NUS1: variants seen among roughly 807,000 people sequenced by gnomAD.
NUS1 encodes the protein dehydrodolichyl diphosphate synthase complex subunit NUS1.
For synonymous variants in NUS1, 135 were observed against 155.2 expected (o/e 0.87, Z 0.97); for missense variants, 292 against 382.9 (o/e 0.76, Z 1.98).
In NUS1 at chr6:117,709,194, GT is replaced by G. The variant is rs1773542771; in HGVS notation, c.*2181del. 6.6e-6 allele frequency: 1 copy of G among 152,238 alleles called. No individual in the cohort carries two copies. Among genetic ancestry groups the G allele is most frequent in the East Asian group, 1.9e-4 (1 of 5,190 alleles). The allele number at this position is 152,238 out of a possible 1,614,324, so 9.4% of individuals were successfully genotyped here. A position where few individuals can be genotyped will look rare whatever the true frequency, so the allele number is the denominator to read the frequency against. ...GTAATTCCTGCCAAAAGCATCACAA[GT>G]TGTACATCATCAAGGCTCCCTTTGC... On this transcript the variant is annotated 3_prime_UTR_variant, in exon 5 of 5. Transcript: ENST00000368494.
At chr6:117,693,554 T>C (rs1773272745) in intron 2 of NUS1, among the ~76,000 whole-genome samples, 1 of 152,182 alleles carries the variant, frequency 6.6e-6, no homozygotes, top group Non-Finnish European at 1.5e-5. Flanking sequence ...TATCTGAGAA[T>C]CCCATCAATT....
rs774167852 is a variant in NUS1 at position 117,683,630 on chromosome 6, T to C, written c.415+7545T>C. 1.4e-4 allele frequency among the ~76,000 whole-genome samples: 21 copies of C among 151,754 alleles called. 1 individual carries two copies. The highest frequency in any genetic ancestry group is 2.2e-4 in the Non-Finnish European group (15 of 67,952). ...TGCTTAATAATGAGGAGAGATTGTT[T>C]CAATGCTTATCTCATTTTTTTCTCT... On this transcript the variant is annotated intron_variant, in intron 1 of 4. Transcript: ENST00000368494.
chr6:117,686,594 T>A (rs915238857), intron 1 of NUS1, among the ~76,000 whole-genome samples: 1 of 152,192 alleles, frequency 6.6e-6, no homozygotes, highest in Admixed American at 6.5e-5. Context: ...TTCTTAAAAA[T>A]TTGAGTATTT....
intron 3 of NUS1, among the ~76,000 whole-genome samples, chr6:117,697,626 G>A (rs1040428161): frequency 6.6e-6 from 1 of 151,864 alleles, no homozygotes; most frequent in Non-Finnish European, 1.5e-5. Context: ...AAATACATAT[G>A]CACCCAACAT....
Position 117,703,608 on chromosome 6 carries a change from C to T in NUS1, c.695C>T (p.Ser232Leu). The change falls in exon 4 of 5, where the codon TCA (serine) becomes TTA (leucine). Residue 232 changes from serine (S) to leucine (L), a missense_variant. Ser to Leu is a moderately radical substitution (Grantham distance 145, BLOSUM62 -2). Transcript: ENST00000368494. ...DVDTLASLLSSNGCPDPDLVL... is the reference protein window; with the variant it reads ...DVDTLASLLSLNGCPDPDLVL... ...TGTGTATTTATTTATTTCCAAGGTT[C>T]AAATGGTTGTCCTGATCCTGATTTA... 2 of 1,610,820 alleles carry T rather than the reference C, an allele frequency of 1.2e-6. No homozygotes were observed. Among genetic ancestry groups the T allele is most frequent in the Non-Finnish European group, 1.7e-6 (2 of 1,177,106 alleles).
intron 1 of NUS1, among the ~76,000 whole-genome samples, chr6:117,680,753 A>G (rs2114678165): frequency 6.6e-6 from 1 of 152,364 alleles, no homozygotes; most frequent in South Asian, 2.1e-4. Context: ...AATTTGGGGT[A>G]AGCCTTAGGA....
intron 3 of NUS1, 127 bp from the exon 4 acceptor site, chr6:117,703,478 G>C (rs902092567): frequency 1.1e-5 from 8 of 701,218 alleles, no homozygotes; most frequent in African/African-American, 8.8e-5. Flanking sequence ...TAAAACTTCT[G>C]AAGAAAACAG....
At chr6:117,676,584 A>T (rs1772985472) in intron 1 of NUS1, among the ~76,000 whole-genome samples, 1 of 152,222 alleles carries the variant, frequency 6.6e-6, no homozygotes, top group Admixed American at 6.5e-5. Flanking sequence ...GTCTCAAATA[A>T]GTAAATAAAT....
At chr6:117,698,855 G>A (rs1773357925) in intron 3 of NUS1, among the ~76,000 whole-genome samples, 1 of 152,028 alleles carries the variant, frequency 6.6e-6, no homozygotes, top group Non-Finnish European at 1.5e-5. Context: ...AAGGATGGTT[G>A]AACATACACA....
chr6:117,687,804 T>C (rs1773162015), intron 1 of NUS1, among the ~76,000 whole-genome samples: 1 of 152,158 alleles, frequency 6.6e-6, no homozygotes, highest in African/African-American at 2.4e-5. Flanking sequence ...CACTAGGCAT[T>C]TTAGGAAACA....
intron 1 of NUS1, among the ~76,000 whole-genome samples, chr6:117,690,623 T>A (rs1173430481): frequency 6.6e-6 from 1 of 152,150 alleles, no homozygotes; most frequent in African/African-American, 2.4e-5. Context: ...CACCTAAATT[T>A]TCTATCATCG....
chr6:117,689,227 G>C (rs1773181320), intron 1 of NUS1, among the ~76,000 whole-genome samples: 1 of 152,114 alleles, frequency 6.6e-6, no homozygotes, highest in Non-Finnish European at 1.5e-5. Flanking sequence ...ATTGAGGAGA[G>C]GTAGTGAATA....
At chr6:117,697,954 A>G (rs1042816372) in intron 3 of NUS1, among the ~76,000 whole-genome samples, 2 of 152,142 alleles carry the variant, frequency 1.3e-5, no homozygotes, top group Admixed American at 6.5e-5. Flanking sequence ...AATAATATCA[A>G]GCATCTTCTC....
At chr6:117,691,554 TATAG>T (rs1283605226) in intron 1 of NUS1, among the ~76,000 whole-genome samples, 24 of 33,176 alleles carry the variant, frequency 7.2e-4, no homozygotes, top group African/African-American at 8.2e-4. Context: ...GTGCCATAGA[TATAG>T]ATATATATAT....
At chr6:117,687,696 A>G (rs187920846) in intron 1 of NUS1, among the ~76,000 whole-genome samples, 1 of 152,322 alleles carries the variant, frequency 6.6e-6, no homozygotes, top group Admixed American at 6.5e-5. Context: ...GGGATAAAGT[A>G]TTACTGGGAA....
chr6:117,703,765 A>C, intron 4 of NUS1, 61 bp downstream of exon 4: 14 of 1,108,866 alleles, frequency 1.3e-5, no homozygotes, highest in Non-Finnish European at 1.9e-5. Flanking sequence ...TGAGTTCAGC[A>C]CTGTACTAGA....
Position 117,708,186 on chromosome 6 carries a change from G to A in NUS1, c.*1171G>A, listed in dbSNP as rs1351201954. On this transcript the variant is annotated 3_prime_UTR_variant, in exon 5 of 5. Transcript: ENST00000368494. The stretch of plus-strand genomic sequence containing the variant: ...TGTGGGGGAATAAAATATTACCAAA[G>A]TCTATAAAAATAAATTTTACATGTT... 6.5e-6 allele frequency: 1 copy of A among 152,674 alleles called. No individual in the cohort carries two copies. The highest frequency in any genetic ancestry group is 1.5e-5 in the Non-Finnish European group (1 of 68,048). 9.5% of individuals were successfully genotyped at this position (152,674 alleles called of 1,614,324 possible).
At chr6:117,676,363 G>T (rs1259804313) in intron 1 of NUS1, among the ~76,000 whole-genome samples, 1 of 152,216 alleles carries the variant, frequency 6.6e-6, no homozygotes, top group Non-Finnish European at 1.5e-5. Context: ...CGGATCACCT[G>T]AGGTCGGGAG....
At chr6:117,699,576 T>C (rs1773372739) in intron 3 of NUS1, among the ~76,000 whole-genome samples, 1 of 152,036 alleles carries the variant, frequency 6.6e-6, no homozygotes, top group Admixed American at 6.5e-5. Flanking sequence ...CCCAAAGCAA[T>C]CTGCAGTCAA....
Sources: allele counts gnomAD v4.1 joint callset (sites outside exome capture counted in the v4.1 genomes callset), GRCh38; gene constraint gnomAD v4.1.1; transcripts MANE v1.5; gene names NCBI Gene and HGNC (gene_info 2026-07-23, HGNC 2026-07-21).